The following TMEM132B variants were observed in gnomAD, a reference collection of about 807,000 sequenced individuals.
TMEM132B encodes transmembrane protein 132B.
A neutral mutation model predicts 90.8 loss-of-function variants in TMEM132B; 18 were observed. That is an observed-to-expected ratio of 0.20 (90% confidence interval 0.14 to 0.29). TMEM132B has a LOEUF of 0.29. Among genes scored for constraint, TMEM132B ranks in the 10% least tolerant of loss-of-function variants. TMEM132B has a pLI of 1.00. For missense variants in TMEM132B, 1,096 were observed against 1,326.8 expected, an observed-to-expected ratio of 0.83 and a Z score of 2.70; for synonymous variants, 504 against 523.3, an observed-to-expected ratio of 0.96 and a Z score of 0.50.
intron 5 of TMEM132B, among the ~76,000 whole-genome samples, chr12:125,639,329 C>A (rs993716818): frequency 9.9e-5 from 15 of 152,228 alleles, no homozygotes; most frequent in Non-Finnish European, 2.1e-4. Context: ...TTCTTAATGT[C>A]ATTACCATGA....
chr12:125,330,910 T>C (rs1392559611), intron 1 of TMEM132B, among the ~76,000 whole-genome samples: 1 of 152,246 alleles, frequency 6.6e-6, no homozygotes, highest in Non-Finnish European at 1.5e-5. Context: ...GCACATCCTG[T>C]GTTCCTAGCT....
intron 2 of TMEM132B, among the ~76,000 whole-genome samples, chr12:125,351,909 C>T (rs1392322343): frequency 6.6e-6 from 1 of 152,216 alleles, no homozygotes. Context: ...CTCATCAGAA[C>T]AAGAAGCAAA....
At chr12:125,241,444 A>G (rs1874065761) in intron 1 of TMEM132B, among the ~76,000 whole-genome samples, 1 of 152,158 alleles carries the variant, frequency 6.6e-6, no homozygotes, top group African/African-American at 2.4e-5. Context: ...ATGCACATTC[A>G]TGGACCCCTG....
At chr12:125,195,515 C>T (rs1872905233) in intron 1 of TMEM132B, among the ~76,000 whole-genome samples, 1 of 150,684 alleles carries the variant, frequency 6.6e-6, no homozygotes, top group South Asian at 2.1e-4. Context: ...TCTCCTGCCT[C>T]AGCCTCCCAA....
intron 1 of TMEM132B, among the ~76,000 whole-genome samples, chr12:125,306,579 T>C (rs1336444229): frequency 2.0e-5 from 3 of 152,218 alleles, no homozygotes; most frequent in African/African-American, 7.2e-5. Flanking sequence ...TCCCCTCTAA[T>C]TCCTTCCAAG....
intron 4 of TMEM132B, among the ~76,000 whole-genome samples, chr12:125,583,076 G>T (rs145365740): frequency 1.4e-4 from 22 of 152,328 alleles, no homozygotes; most frequent in African/African-American, 5.3e-4. Flanking sequence ...TAATTTTGTT[G>T]TAAAGAGAAT....
chr12:125,488,546 A>G (rs899658763), intron 3 of TMEM132B, among the ~76,000 whole-genome samples: 5 of 152,094 alleles, frequency 3.3e-5, no homozygotes, highest in South Asian at 2.1e-4. Context: ...AAAAATGGGA[A>G]CTGCCCTGCA....
At chr12:125,253,087 T>G (rs1270990581) in intron 1 of TMEM132B, among the ~76,000 whole-genome samples, 1 of 152,192 alleles carries the variant, frequency 6.6e-6, no homozygotes, top group Non-Finnish European at 1.5e-5. Context: ...TGTAAGAAAT[T>G]CATCTGTCAC....
chr12:125,499,205 C>A (rs548678414), intron 3 of TMEM132B, among the ~76,000 whole-genome samples: 1 of 152,296 alleles, frequency 6.6e-6, no homozygotes, highest in East Asian at 1.9e-4. Flanking sequence ...GATCTTATAT[C>A]TCTAGCTAAT....
rs1886992954 is a variant in TMEM132B at position 125,653,904 on chromosome 12, A to G, written c.2446A>G (p.Lys816Glu). Residue 816 changes from lysine (K) to glutamate (E), a missense_variant, in exon 9 of 9, where the codon AAA becomes GAA. Transcript: ENST00000682704. ...TATTGAGGGCATAAATCGGGAATATAAAGACCACCTCAGTAATTCCATAGA... is the reference window on the plus strand; with the variant it reads ...TATTGAGGGCATAAATCGGGAATATGAAGACCACCTCAGTAATTCCATAGA... ...NDIEGINREY[K>E]DHLSNSIERE... 1.2e-6 allele frequency: 2 copies of G among 1,614,074 alleles called. No individual in the cohort carries two copies. Among genetic ancestry groups the G allele is most frequent in the Admixed American group, 1.7e-5 (1 of 60,002 alleles).
At chr12:125,631,602 T>C (rs1489988725) in intron 5 of TMEM132B, among the ~76,000 whole-genome samples, 3 of 152,194 alleles carry the variant, frequency 2.0e-5, no homozygotes, top group Admixed American at 6.5e-5. Context: ...AGTGTCCAGC[T>C]ATTATTGTAT....
intron 1 of TMEM132B, among the ~76,000 whole-genome samples, chr12:125,239,813 TG>T (rs141262975): frequency 6.6e-6 from 1 of 152,122 alleles, no homozygotes; most frequent in Non-Finnish European, 1.5e-5. Context: ...CATGGTTTGT[TG>T]GGGGGAAGTG....
chr12:125,254,213 C>T (rs990980895), intron 1 of TMEM132B, among the ~76,000 whole-genome samples: 12 of 151,590 alleles, frequency 7.9e-5, no homozygotes, highest in Non-Finnish European at 1.6e-4. Flanking sequence ...CACCGGAGGT[C>T]GAAGCTGCAG....
chr12:125,280,577 C>T (rs763215764), intron 1 of TMEM132B, among the ~76,000 whole-genome samples: 5 of 152,240 alleles, frequency 3.3e-5, no homozygotes, highest in Admixed American at 6.5e-5. Flanking sequence ...CCTAGGCTGC[C>T]GGAGGAGCAG....
At chr12:125,224,695 A>T (rs1001119587) in intron 1 of TMEM132B, among the ~76,000 whole-genome samples, 2 of 152,262 alleles carry the variant, frequency 1.3e-5, no homozygotes, top group Non-Finnish European at 2.9e-5. Context: ...GGGCAGAAGA[A>T]AAACCCCAAC....
chr12:125,302,048 AAGTT>A (rs1036443429), intron 1 of TMEM132B: 4 of 151,944 alleles, frequency 2.6e-5, no homozygotes, highest in Admixed American at 6.6e-5. Flanking sequence ...TAAAAATAAA[AAGTT>A]AGTCAGGTGC....
In TMEM132B at chr12:125,432,528, T is replaced by TATATATATAGAG. The variant is rs1458075923; in HGVS notation, c.1106+16852_1106+16853insTATATATAGAGA. Among the ~76,000 whole-genome samples the TATATATATAGAG allele has an allele frequency of 2.8e-4, 11 of 39,122 alleles. 3 individuals carry two copies. The highest frequency in any genetic ancestry group is 9.9e-4 in the African/African-American group (8 of 8,060). 25.7% of individuals were successfully genotyped at this position (39,122 alleles called of 152,430 possible). A position where few individuals can be genotyped will look rare whatever the true frequency, so the allele number is the denominator to read the frequency against. The stretch of plus-strand genomic sequence containing the variant: ...GTGTGTGTGTATATATATATATATA[T>TATATATATAGAG]AGAGAGAGAGAGAGAGAGAGAGAGA... On this transcript the variant is annotated intron_variant, in intron 3 of 8. Coordinates refer to ENST00000682704, the MANE Select transcript of TMEM132B (RefSeq NM_001366854.1).
At chr12:125,579,800 T>C (rs777818666) in intron 4 of TMEM132B, among the ~76,000 whole-genome samples, 137 of 152,314 alleles carry the variant, frequency 9.0e-4, no homozygotes, top group Non-Finnish European at 1.5e-3. Flanking sequence ...CTTGATTGCT[T>C]TTTGTCCTGT....
chr12:125,224,589 A>G (rs1873634080), intron 1 of TMEM132B, among the ~76,000 whole-genome samples: 1 of 152,236 alleles, frequency 6.6e-6, no homozygotes, highest in African/African-American at 2.4e-5. Flanking sequence ...GGAGCTGCCC[A>G]GGCAGACCCT....
Sources: gnomAD v4.1 joint callset for allele counts (sites outside exome capture counted in the v4.1 genomes callset) on GRCh38, gnomAD v4.1.1 for gene constraint, MANE v1.5 for transcripts, NCBI Gene and HGNC (gene_info 2026-07-23, HGNC 2026-07-21) for gene names.